The following ZNF577 variants were observed in gnomAD, a reference collection of about 807,000 sequenced individuals.
ZNF577 encodes the protein zinc finger protein 577.
Under a neutral mutation model 13.9 loss-of-function variants are expected in ZNF577, and 14 were observed. The ratio of observed to expected loss-of-function variants is 1.00; its 90% CI spans 0.66 to 1.57. The LOEUF (loss-of-function observed/expected upper bound fraction) is 1.57, where lower values mean the gene tolerates loss of function less well. Ranked by LOEUF, ZNF577 falls within the 40% of genes most tolerant of loss-of-function variation. The pLI, the probability that ZNF577 is intolerant of heterozygous loss-of-function variation, is 0.00. For missense variants in ZNF577, 555 were observed against 579.2 expected (o/e 0.96, Z 0.43); for synonymous variants, 203 against 202.9 (o/e 1.00, Z 0.00).
intron 5 of ZNF577, among the ~76,000 whole-genome samples, chr19:51,855,242 T>C (rs1396172831): frequency 6.6e-6 from 1 of 152,226 alleles, no homozygotes; most frequent in Non-Finnish European, 1.5e-5. Context: ...TTCAGTGGCA[T>C]TCCTGGAGTA....
chr19:51,856,097 A>G (rs967446839), intron 5 of ZNF577: 1 of 152,220 alleles, frequency 6.6e-6, no homozygotes, highest in Non-Finnish European at 1.5e-5. Flanking sequence ...GTTATTTTCC[A>G]AAATTGACTG....
chr19:51,861,491 AAAAT>A (rs2084501783), intron 5 of ZNF577: 1 of 152,598 alleles, frequency 6.6e-6, no homozygotes, highest in Admixed American at 6.5e-5. Flanking sequence ...AAGAAGGCTT[AAAAT>A]ATTCATTGCA....
intron 9 of ZNF577, among the ~76,000 whole-genome samples, chr19:51,815,418 G>A (rs2084127954): frequency 6.6e-6 from 1 of 152,080 alleles, no homozygotes; most frequent in African/African-American, 2.4e-5. Context: ...AAATTAGCCA[G>A]GCATGGTGAT....
rs1232784401 is a variant in ZNF577, at chr19:51,824,691, C to T, written c.*600-13017G>A. 48 of 1,613,966 alleles carry T rather than the reference C, an allele frequency of 3.0e-5. No individual in the cohort carries two copies. The highest frequency in any genetic ancestry group is 3.7e-5 in the Non-Finnish European group (44 of 1,180,002). On this transcript the variant is annotated intron_variant and NMD_transcript_variant, in intron 9 of 10. Transcript: ENST00000638827. This position sits in a 1 kb window ranked among gnomAD's most constrained non-coding sequence, Gnocchi z 4.7. ...TCGTAACTTCCAAGAAAGACTGATT[C>T]GCTCTTTGCCCACTAGTTTGGAGAG... is the stretch of plus-strand genomic sequence containing the variant.
chr19:51,837,043 C>CAAA (rs766829761), intron 9 of ZNF577, among the ~76,000 whole-genome samples: 49 of 77,756 alleles, frequency 6.3e-4, no homozygotes, highest in African/African-American at 1.7e-3. Context: ...GACTCTGTCT[C>CAAA]AAAAAAAAAA....
At chr19:51,856,176 T>A (rs1280310864) in intron 5 of ZNF577, among the ~76,000 whole-genome samples, 1 of 152,240 alleles carries the variant, frequency 6.6e-6, no homozygotes, top group East Asian at 1.9e-4. Context: ...ATTCTGGACA[T>A]CATGCCTTAT....
Position 51,872,656 on chromosome 19 carries a change from G to A in ZNF577, c.1334C>T (p.Pro445Leu). The A allele has an allele frequency of 6.2e-7, 1 of 1,614,170 alleles. No homozygotes were observed. Among genetic ancestry groups the A allele is most frequent in the African/African-American group, 1.3e-5 (1 of 75,060 alleles). ...ATTAACTACAAAGGCTTGATTTCTT[G>A]GAAAAGGTTGTTCCACAATCACTAC... ...RNVVIVEQPF[P>L]RNQAFVVNQE... Residue 445 changes from proline (P) to leucine (L), a missense_variant, in exon 6 of 6, where the codon CCA (proline) becomes CTA (leucine). By Grantham distance (98) the Pro-to-Leu change is moderately conservative (BLOSUM62 -3). Coordinates refer to ENST00000638348, the MANE Select transcript of ZNF577 (RefSeq NM_001370449.1).
At chr19:51,847,768 T>A (rs1275994853) in intron 5 of ZNF577, among the ~76,000 whole-genome samples, 1 of 152,144 alleles carries the variant, frequency 6.6e-6, no homozygotes, top group Non-Finnish European at 1.5e-5. Context: ...GCTGCGGGAT[T>A]CCTAAGGGCT....
At chr19:51,814,684 G>A (rs2084121582) in intron 9 of ZNF577, among the ~76,000 whole-genome samples, 1 of 152,048 alleles carries the variant, frequency 6.6e-6, no homozygotes, top group African/African-American at 2.4e-5. Context: ...AGTAAAGATG[G>A]GTTTTCGCCA....
In ZNF577 at chr19:51,858,776, A is replaced by T. The variant is rs74514408; in HGVS notation, c.284-13845T>A. 3.8e-3 allele frequency among the ~76,000 whole-genome samples: 565 copies of T among 148,712 alleles called. 4 individuals are homozygous for T. Among genetic ancestry groups the T allele is most frequent in the African/African-American group, 0.014 (537 of 38,330 alleles). On this transcript the variant is annotated intron_variant and NMD_transcript_variant, in intron 5 of 10. Transcript: ENST00000638827. ...TCAGTCAAGTAAGTCTCATTTTGTT[A>T]AAAAAAAGTCCATATTTGAAGTGCC... is the stretch of plus-strand genomic sequence containing the variant.
chr19:51,880,623 A>G, intron 2 of ZNF577, 56 bp downstream of exon 2: 1 of 545,242 alleles, frequency 1.8e-6, no homozygotes, highest in Non-Finnish European at 3.3e-6. Flanking sequence ...TGTCTTTTAC[A>G]AGCTTCCACA....
chr19:51,837,387 T>G (rs1048821000), intron 9 of ZNF577, among the ~76,000 whole-genome samples: 14 of 152,158 alleles, frequency 9.2e-5, no homozygotes, highest in African/African-American at 3.4e-4. Context: ...TGAGCTCTGA[T>G]TGGTTGGTTT....
At chr19:51,878,157 G>C (rs1028102506) in intron 4 of ZNF577, 1 of 279,278 alleles carries the variant, frequency 3.6e-6, no homozygotes, top group African/African-American at 2.2e-5. Flanking sequence ...TTCAGTTTTA[G>C]AAGACAGAAG....
rs1425609907 is a variant in ZNF577, at chr19:51,872,539, G to A, written c.1451C>T (p.Ser484Leu). ...NYILYLTDIV[S>L]E ...TTTCTGGTATCAGAAGATTTATTCT[G>A]ATACAATATCTGTAAGATACAAGAT... Residue 484 changes from serine (S) to leucine (L), a missense_variant, in exon 6 of 6, where the codon TCA (serine) becomes TTA (leucine). Ser to Leu is a moderately radical substitution (Grantham distance 145). Transcript: ENST00000638348. 2.5e-6 allele frequency: 4 copies of A among 1,575,208 alleles called. No homozygotes were observed. The African/African-American group carries it at 4.1e-5, about 16-fold the overall frequency.
intron 10 of ZNF577, among the ~76,000 whole-genome samples, chr19:51,810,278 A>C (rs567387356): frequency 1.3e-5 from 2 of 152,328 alleles, no homozygotes; most frequent in East Asian, 3.9e-4. Context: ...ACACCTCACC[A>C]GTGCCAGTGC....
intron 2 of ZNF577, 23 bp from the exon 3 acceptor site, chr19:51,880,424 G>GTGGGT: frequency 6.2e-7 from 1 of 1,610,628 alleles, no homozygotes; most frequent in Non-Finnish European, 8.5e-7. Flanking sequence ...AGGAGACACA[G>GTGGGT]TTTAAAGCAG....
At chr19:51,878,636 C>A in intron 3 of ZNF577, 121 bp from the exon 4 acceptor site, 1 of 1,274,066 alleles carries the variant, frequency 7.8e-7, no homozygotes, top group South Asian at 1.4e-5. Context: ...GGCTATTTCA[C>A]ATACCAAAGG....
chr19:51,863,050 G>C (rs2084520818), downstream of ZNF577: 1 of 152,162 alleles, frequency 6.6e-6, no homozygotes, highest in African/African-American at 2.4e-5. Context: ...TGTAATGAAG[G>C]CTTTTTGACA....
In ZNF577 at chr19:51,867,618, C is replaced by CAAAAA. The variant is rs561862562; in HGVS notation, c.*4909_*4913dup. The stretch of plus-strand genomic sequence containing the variant: ...TGAAACCCCGTCTCTACTAAAAATA[C>CAAAAA]AAAAAAAAAAAAAAAAATTAGCCGG... On this transcript the variant is annotated 3_prime_UTR_variant, in exon 6 of 6. Coordinates refer to ENST00000638348, the MANE Select transcript of ZNF577 (RefSeq NM_001370449.1). Among the ~76,000 whole-genome samples the CAAAAA allele has an allele frequency of 9.1e-6, 1 of 110,322 alleles. No homozygotes were observed. Among genetic ancestry groups the CAAAAA allele is most frequent in the Non-Finnish European group, 1.9e-5 (1 of 52,012 alleles). The allele number at this position is 110,322 out of a possible 152,430, so 72.4% of individuals were successfully genotyped here.
Sources: allele counts gnomAD v4.1 joint callset (sites outside exome capture counted in the v4.1 genomes callset), GRCh38; gene constraint gnomAD v4.1.1; non-coding constraint Gnocchi (gnomAD v3.1); transcripts MANE v1.5; gene names NCBI Gene and HGNC (gene_info 2026-07-23, HGNC 2026-07-21).